PCDH11X: variants seen among roughly 807,000 people sequenced by gnomAD.
The protein encoded by PCDH11X is protocadherin 11 X-linked.
In PCDH11X, 18 loss-of-function variants were observed where a neutral mutation model predicts 53.3. The observed-to-expected ratio is 0.34, with a 90% CI of 0.23 to 0.50. The LOEUF (loss-of-function observed/expected upper bound fraction) is 0.50. Among genes scored for constraint, PCDH11X ranks in the 20% least tolerant of loss-of-function variants. The pLI is 0.98. For synonymous variants in PCDH11X, 279 were observed against 393.3 expected, an observed-to-expected ratio of 0.71 and a Z score of 3.44; for missense variants, 570 against 1,032.4, an observed-to-expected ratio of 0.55 and a Z score of 6.14.
chrX:92,357,113 G>A (rs1366519241), intron 8 of PCDH11X, among the ~76,000 whole-genome samples: 21 of 58,338 alleles, frequency 3.6e-4, no homozygotes, highest in Non-Finnish European at 1.5e-4. Context: ...ATCACCCAAG[G>A]CCTCACTTTT....
At chrX:92,210,863 A>T (rs1474608198) in intron 7 of PCDH11X, among the ~76,000 whole-genome samples, 2 of 111,717 alleles carry the variant, frequency 1.8e-5, no homozygotes, top group African/African-American at 6.5e-5. Context: ...CCTCATCTTC[A>T]TCTGAGACCA....
At chrX:92,465,436 A>C (rs963939254) in intron 9 of PCDH11X, among the ~76,000 whole-genome samples, 4 of 112,171 alleles carry the variant, frequency 3.6e-5, no homozygotes, top group African/African-American at 9.7e-5. Flanking sequence ...TGGCTTCATT[A>C]ATGCAGCTTT....
At chrX:92,347,259 CAAGT>C (rs992200889) in intron 8 of PCDH11X, among the ~76,000 whole-genome samples, 11 of 111,216 alleles carry the variant, frequency 9.9e-5, no homozygotes, top group Admixed American at 1.9e-4. Context: ...TATTCATTGA[CAAGT>C]AACTCAATAA....
chrX:92,342,651 T>G lies in PCDH11X; in HGVS notation c.3145-45084T>G, dbSNP rs1003001030. Among the ~76,000 whole-genome samples, 11 of 111,098 alleles carry G rather than the reference T, an allele frequency of 9.9e-5. 1 individual carries two copies. The highest frequency in any genetic ancestry group is 2.1e-4 in the Non-Finnish European group (11 of 53,030). ...TCACTTATAAGTGGGAGGTAAACAT[T>G]GATGGACATAAAGATGAGAATGATA... is the stretch of plus-strand genomic sequence containing the variant. On this transcript the variant is annotated intron_variant, in intron 8 of 10. Transcript: ENST00000682573.
At chrX:92,058,872 T>C (rs1056202133) in intron 6 of PCDH11X, among the ~76,000 whole-genome samples, 3 of 106,729 alleles carry the variant, frequency 2.8e-5, no homozygotes, top group African/African-American at 6.7e-5. Context: ...TGGTGGGAAA[T>C]TGAATTTGAT....
intron 6 of PCDH11X, among the ~76,000 whole-genome samples, chrX:92,105,425 C>T (rs915217879): frequency 9.1e-5 from 10 of 110,166 alleles, no homozygotes; most frequent in African/African-American, 1.7e-4. Flanking sequence ...ATCTGAGTCA[C>T]GGCACCAAAT....
intron 6 of PCDH11X, among the ~76,000 whole-genome samples, chrX:92,186,942 A>G (rs1374112368): frequency 8.9e-6 from 1 of 111,959 alleles, no homozygotes; most frequent in Non-Finnish European, 1.9e-5. Context: ...CCCGTAAGTT[A>G]TGTGTCAACT....
intron 10 of PCDH11X, among the ~76,000 whole-genome samples, chrX:92,576,099 T>C (rs1261793423): frequency 1.0e-5 from 1 of 98,453 alleles, no homozygotes; most frequent in East Asian, 3.4e-4. Context: ...TTTAAAATCA[T>C]TACATCCTCT....
At chrX:92,129,982 G>A (rs1293333633) in intron 6 of PCDH11X, among the ~76,000 whole-genome samples, 1 of 111,169 alleles carries the variant, frequency 9.0e-6, no homozygotes, top group Non-Finnish European at 1.9e-5. Context: ...ACACGCACAC[G>A]CACATGCACA....
At chrX:92,389,153 T>G (rs1201429766) in intron 9 of PCDH11X, among the ~76,000 whole-genome samples, 1 of 102,251 alleles carries the variant, frequency 9.8e-6, no homozygotes, top group Non-Finnish European at 2.0e-5. Context: ...ATTTTCAATT[T>G]TATACTTGGA....
intron 8 of PCDH11X, among the ~76,000 whole-genome samples, chrX:92,370,981 G>A (rs1364297663): frequency 2.7e-5 from 3 of 111,752 alleles, no homozygotes; most frequent in Non-Finnish European, 5.6e-5. Context: ...CTCTTGTAAC[G>A]TTTTTTGGTG....
At chrX:92,130,523 C>A (rs1389019484) in intron 6 of PCDH11X, among the ~76,000 whole-genome samples, 2 of 108,496 alleles carry the variant, frequency 1.8e-5, no homozygotes, top group African/African-American at 6.7e-5. Flanking sequence ...ATGGCACATT[C>A]TGAGTAGTTC....
At chrX:92,076,840 A>C (rs1222241347) in intron 6 of PCDH11X, among the ~76,000 whole-genome samples, 1 of 112,417 alleles carries the variant, frequency 8.9e-6, no homozygotes, top group African/African-American at 3.2e-5. Flanking sequence ...CCAAAAATAC[A>C]TAAAAAATCT....
At chrX:92,231,402 G>C (rs1265427836) in intron 7 of PCDH11X, among the ~76,000 whole-genome samples, 1 of 111,504 alleles carries the variant, frequency 9.0e-6, no homozygotes, top group African/African-American at 3.3e-5. Context: ...GTGGAAAATT[G>C]CCAGATCATT....
intron 8 of PCDH11X, among the ~76,000 whole-genome samples, chrX:92,377,503 A>G (rs2070778443): frequency 9.0e-6 from 1 of 111,587 alleles, no homozygotes; most frequent in Non-Finnish European, 1.9e-5. Flanking sequence ...TTCTTATTAA[A>G]TAGAAAATAT....
At chrX:91,911,297 T>C (rs1483896885) in intron 6 of PCDH11X, among the ~76,000 whole-genome samples, 1 of 109,293 alleles carries the variant, frequency 9.1e-6, no homozygotes, top group Non-Finnish European at 1.9e-5. Context: ...GAAATAAATA[T>C]CCTATCATTT....
At chrX:92,178,407 A>G (rs1248641492) in intron 6 of PCDH11X, among the ~76,000 whole-genome samples, 1 of 112,056 alleles carries the variant, frequency 8.9e-6, no homozygotes, top group Non-Finnish European at 1.9e-5. Context: ...AATTTATTTG[A>G]CATTCACAGT....
chrX:92,320,339 AATTT>A lies in PCDH11X; in HGVS notation c.3144+57197_3144+57200del, dbSNP rs373697032. ...TTACCTGTCTCTGCTCCTGTTCTGG[AATTT>A]TAGTATAGAAAGGAAGTAGGCAGAT... On this transcript the variant is annotated intron_variant, in intron 8 of 10. Transcript: ENST00000682573. 4.5e-3 allele frequency among the ~76,000 whole-genome samples: 496 copies of A among 111,281 alleles called. 4 individuals carry two copies. The highest frequency in any genetic ancestry group is 0.015 in the African/African-American group (467 of 30,584).
Position 92,225,238 on chromosome X carries a change from A to G in PCDH11X, c.3114+23783A>G, listed in dbSNP as rs776653985. 3.6e-5 allele frequency among the ~76,000 whole-genome samples: 4 copies of G among 109,892 alleles called. No individual in the cohort carries two copies. The East Asian group carries it at 1.1e-3, about 31-fold the overall frequency. ...ATGAGGTAAATAAACTATTTTTGCC[A>G]TATGTCTCACTTTCTCTGCTGGTTT... On this transcript the variant is annotated intron_variant, in intron 7 of 10. Coordinates refer to ENST00000682573, the MANE Select transcript of PCDH11X (RefSeq NM_032968.5).
Sources: gnomAD v4.1 joint callset for allele counts (sites outside exome capture counted in the v4.1 genomes callset) on GRCh38, gnomAD v4.1.1 for gene constraint, MANE v1.5 for transcripts, NCBI Gene and HGNC (gene_info 2026-07-23, HGNC 2026-07-21) for gene names.